ABCB5: variants seen among roughly 807,000 people sequenced by gnomAD.
The protein encoded by ABCB5 is ATP-binding cassette sub-family B member 5.
In ABCB5, 155 loss-of-function variants were observed where a neutral mutation model predicts 144.2. That is an observed-to-expected ratio of 1.08 (90% CI 0.94 to 1.23). The LOEUF (loss-of-function observed/expected upper bound fraction) is 1.23, where lower values mean the gene tolerates loss of function less well. Ranked by LOEUF, ABCB5 falls within the 50% of genes most tolerant of loss-of-function variation. The probability of loss-of-function intolerance (pLI) is 0.00; values close to 1 mark genes in which losing one functional copy is unlikely to be tolerated. For missense variants in ABCB5, 1,830 were observed against 1,520.8 expected, an observed-to-expected ratio of 1.20 and a Z score of -3.38; for synonymous variants, 610 against 528.6, an observed-to-expected ratio of 1.15 and a Z score of -2.11.
chr7:20,728,261 A>G (rs539890039), intron 22 of ABCB5, 54 bp from the exon 23 acceptor site: 229 of 1,589,942 alleles, frequency 1.4e-4, no homozygotes, highest in Non-Finnish European at 1.9e-4. Context: ...CATGTATTCA[A>G]TTGACCTTGC....
At chr7:20,674,582 T>C (rs527832313) in intron 14 of ABCB5, among the ~76,000 whole-genome samples, 17 of 151,446 alleles carry the variant, frequency 1.1e-4, no homozygotes, top group Non-Finnish European at 2.4e-4. Flanking sequence ...CCTCATGGTA[T>C]ACAAACACAC....
intron 17 of ABCB5, 143 bp downstream of exon 17, chr7:20,698,693 G>C: frequency 3.0e-6 from 2 of 677,056 alleles, no homozygotes; most frequent in South Asian, 5.7e-5. Flanking sequence ...TGATAGGAAG[G>C]TTAATTAATG....
intron 14 of ABCB5, among the ~76,000 whole-genome samples, chr7:20,679,286 G>C (rs1431528492): frequency 6.6e-6 from 1 of 151,768 alleles, no homozygotes; most frequent in Non-Finnish European, 1.5e-5. Context: ...TGGCCAACAT[G>C]GTAAAACCCC....
chr7:20,736,340 C>G lies in ABCB5; in HGVS notation c.2868-2643C>G, dbSNP rs1239279537. On this transcript the variant is annotated intron_variant, in intron 23 of 27. Transcript: ENST00000404938. ...TCAAGCAATTCTCCTGCCTCAGTCTCCTGAGTAGCTAGCATTACAGGTGTG... is the reference window on the plus strand; with the variant it reads ...TCAAGCAATTCTCCTGCCTCAGTCTGCTGAGTAGCTAGCATTACAGGTGTG... Among the ~76,000 whole-genome samples, 3 of 152,150 alleles carry G rather than the reference C, an allele frequency of 2.0e-5. No individual in the cohort carries two copies. In the East Asian group the frequency reaches 5.8e-4, roughly 29 times the overall value.
At chr7:20,623,862 T>A (rs527259559) in intron 2 of ABCB5, among the ~76,000 whole-genome samples, 2 of 152,338 alleles carry the variant, frequency 1.3e-5, no homozygotes, top group Admixed American at 1.3e-4. Context: ...TTGTGTTATA[T>A]TTGGACATAC....
chr7:20,663,536 T>C (rs1404840939), intron 14 of ABCB5, among the ~76,000 whole-genome samples: 1 of 151,956 alleles, frequency 6.6e-6, no homozygotes, highest in Non-Finnish European at 1.5e-5. Context: ...CATACAATAG[T>C]CAAATTCAGA....
intron 26 of ABCB5, among the ~76,000 whole-genome samples, chr7:20,752,692 C>T (rs930336211): frequency 6.6e-6 from 1 of 152,218 alleles, no homozygotes; most frequent in African/African-American, 2.4e-5. Context: ...ACTAAAAATA[C>T]AAAAATTAGC....
chr7:20,658,790 T>C, intron 14 of ABCB5, 114 bp downstream of exon 14: 1 of 1,275,102 alleles, frequency 7.8e-7, no homozygotes, highest in East Asian at 2.4e-5. Flanking sequence ...TCTTAAGGTA[T>C]AAAGGCAGGA....
intron 16 of ABCB5, among the ~76,000 whole-genome samples, chr7:20,696,344 T>C (rs536536234): frequency 4.5e-4 from 68 of 152,230 alleles, no homozygotes; most frequent in South Asian, 4.3e-3. Flanking sequence ...ATTTCATTTA[T>C]ATAATGTTCT....
intron 14 of ABCB5, among the ~76,000 whole-genome samples, chr7:20,668,556 C>T (rs1471889511): frequency 6.6e-6 from 1 of 151,856 alleles, no homozygotes; most frequent in Non-Finnish European, 1.5e-5. Context: ...TGAGGAGCGT[C>T]TCCGCCCGGC....
intron 14 of ABCB5, among the ~76,000 whole-genome samples, chr7:20,669,792 T>C (rs1367937096): frequency 6.6e-6 from 1 of 151,698 alleles, no homozygotes; most frequent in Non-Finnish European, 1.5e-5. Context: ...AGAGATTTAT[T>C]AAATAAATAT....
rs1413422527 is a variant in ABCB5, at chr7:20,658,926, T to C, written c.1707+250T>C. ...GATACACAAGCAATCATCCAGTCTA[T>C]ACCTCCATTCCAAGTGGTTTGCACT... On this transcript the variant is annotated intron_variant, in intron 14 of 27. Transcript: ENST00000404938. 4.9e-6 allele frequency: 5 copies of C among 1,010,606 alleles called. No individual in the cohort carries two copies. The South Asian group carries it at 6.8e-5, about 14-fold the overall frequency. The allele number at this position is 1,010,606 out of a possible 1,614,324, so 62.6% of individuals were successfully genotyped here. A position where few individuals can be genotyped will look rare whatever the true frequency, so the allele number is the denominator to read the frequency against.
At chr7:20,716,399 A>G (rs1166431808) in intron 20 of ABCB5, among the ~76,000 whole-genome samples, 1 of 152,246 alleles carries the variant, frequency 6.6e-6, no homozygotes, top group African/African-American at 2.4e-5. Context: ...ATTTTAAAAA[A>G]TAGCTCCAAT....
At chr7:20,626,535 A>T in intron 2 of ABCB5, 22 bp from the exon 3 acceptor site, 1 of 1,595,838 alleles carries the variant, frequency 6.3e-7, no homozygotes, top group Non-Finnish European at 8.5e-7. Flanking sequence ...TAACTGCTGC[A>T]TTTTGAACTT....
Position 20,658,539 on chromosome 7 carries a change from C to A in ABCB5, c.1570C>A (p.Gln524Lys), listed in dbSNP as rs202215095. The A allele has an allele frequency of 1.7e-5, 28 of 1,613,996 alleles. No individual in the cohort carries two copies. In the East Asian group the frequency reaches 5.6e-4, roughly 32 times the overall value. The change falls in exon 14 of 28, where the codon CAA (glutamine) becomes AAA (lysine). Residue 524 changes from glutamine (Q) to lysine (K), a missense_variant. By Grantham distance (53) the Gln-to-Lys change is moderately conservative (BLOSUM62 1). Transcript: ENST00000404938. The stretch of plus-strand genomic sequence containing the variant: ...TACATTGGTAGGGGAAAAAGGAGCT[C>A]AAATGAGTGGAGGGCAGAAACAGAG... ...FNTLVGEKGA[Q>K]MSGGQKQRIA...
intron 14 of ABCB5, among the ~76,000 whole-genome samples, chr7:20,669,735 A>AAG (rs1554282924): frequency 8.2e-5 from 9 of 109,560 alleles, no homozygotes; most frequent in African/African-American, 3.3e-4. Flanking sequence ...AAAAAAAAAA[A>AAG]AAAAAAAAGA....
rs1191861398 is a variant in ABCB5, at chr7:20,632,094, C to A, written c.295C>A (p.Leu99Met). 1 of 1,527,986 alleles carries A rather than the reference C, an allele frequency of 6.5e-7. No homozygotes were observed. The highest frequency in any genetic ancestry group is 2.5e-5 in the East Asian group (1 of 40,644). The allele number at this position is 1,527,986 out of a possible 1,614,324, so 94.7% of individuals were successfully genotyped here. The change falls in exon 5 of 28, where the codon CTG (leucine) becomes ATG (methionine). Residue 99 changes from leucine to methionine, a missense_variant. By Grantham distance (15) the Leu-to-Met change is conservative. Transcript: ENST00000404938. ...YQNCTQSQEK[L>M]NEDMTLLTLY... is the part of the protein sequence containing the mutation. ...GAACTGTACTCAGTCTCAAGAGAAG[C>A]TGAATGAAGATATGACTCTGTAAGT...
chr7:20,748,784 C>T (rs1438213663), intron 26 of ABCB5, among the ~76,000 whole-genome samples: 1 of 151,618 alleles, frequency 6.6e-6, no homozygotes, highest in Non-Finnish European at 1.5e-5. Context: ...TGAAAGAGTT[C>T]AGGTCTTCCA....
At chr7:20,711,278 T>G (rs564356715) in intron 20 of ABCB5, among the ~76,000 whole-genome samples, 1 of 149,744 alleles carries the variant, frequency 6.7e-6, no homozygotes, top group Non-Finnish European at 1.5e-5. Flanking sequence ...CCTATTTCCA[T>G]TGGTATCATT....
Sources: gnomAD v4.1 joint callset for allele counts (sites outside exome capture counted in the v4.1 genomes callset) on GRCh38, gnomAD v4.1.1 for gene constraint, MANE v1.5 for transcripts, NCBI Gene and HGNC (gene_info 2026-07-23, HGNC 2026-07-21) for gene names.